The following ROR1 variants were observed in gnomAD, a reference collection of about 807,000 sequenced individuals.
The protein encoded by ROR1 is ROR family WNT receptor 1, also known as inactive tyrosine-protein kinase transmembrane receptor ROR1.
A neutral mutation model predicts 78.8 loss-of-function variants in ROR1; 19 were observed. The ratio of observed to expected loss-of-function variants is 0.24; its 90% confidence interval spans 0.17 to 0.35. ROR1 has a LOEUF of 0.35. Ranked by LOEUF, ROR1 falls within the 10% of genes least tolerant of loss-of-function variation. The pLI, the probability that ROR1 is intolerant of heterozygous loss-of-function variation, is 1.00. For missense variants in ROR1, 917 were observed against 1,177.8 expected, an observed-to-expected ratio of 0.78 and a Z score of 3.24; for synonymous variants, 386 against 433.6, an observed-to-expected ratio of 0.89 and a Z score of 1.36.
chr1:64,078,943 G>T (rs1415265653), intron 4 of ROR1, among the ~76,000 whole-genome samples: 2 of 152,230 alleles, frequency 1.3e-5, no homozygotes, highest in Non-Finnish European at 2.9e-5. Flanking sequence ...CGAGGAAGGA[G>T]TGTTCAAAGG....
chr1:63,974,084 A>G (rs1239895726), intron 1 of ROR1, among the ~76,000 whole-genome samples: 2 of 152,252 alleles, frequency 1.3e-5, no homozygotes, highest in Non-Finnish European at 2.9e-5. Flanking sequence ...TAGTGAATCA[A>G]TTTAAAGGGA....
At chr1:63,886,100 C>T (rs763527364) in intron 1 of ROR1, among the ~76,000 whole-genome samples, 4 of 152,136 alleles carry the variant, frequency 2.6e-5, no homozygotes, top group South Asian at 2.1e-4. Flanking sequence ...CCCTCGCATG[C>T]GCAGTTCACA....
chr1:64,137,065 C>T (rs1244511286), intron 4 of ROR1, among the ~76,000 whole-genome samples: 1 of 152,156 alleles, frequency 6.6e-6, no homozygotes, highest in African/African-American at 2.4e-5. Context: ...CTCATTTCCT[C>T]TTTACTCCTA....
At chr1:64,043,349 T>A (rs1646759560) in intron 2 of ROR1, among the ~76,000 whole-genome samples, 1 of 152,222 alleles carries the variant, frequency 6.6e-6, no homozygotes. Context: ...ATTAAATGCC[T>A]ATGAAGTTCA....
At chr1:63,800,484 C>T (rs1367485918) in intron 1 of ROR1, among the ~76,000 whole-genome samples, 1 of 152,066 alleles carries the variant, frequency 6.6e-6, no homozygotes, top group East Asian at 1.9e-4. Context: ...CAGAGTTGGC[C>T]CTTTCCTGGG....
At chr1:63,911,978 A>G (rs1276405856) in intron 1 of ROR1, among the ~76,000 whole-genome samples, 1 of 152,102 alleles carries the variant, frequency 6.6e-6, no homozygotes, top group Non-Finnish European at 1.5e-5. Context: ...GTGTGGGTAT[A>G]CAAAGGCGAA....
At chr1:63,952,282 A>G (rs1645946333) in intron 1 of ROR1, among the ~76,000 whole-genome samples, 1 of 151,580 alleles carries the variant, frequency 6.6e-6, no homozygotes, top group Non-Finnish European at 1.5e-5. Context: ...AAACAGGAAC[A>G]TGCTGGGCCT....
chr1:63,787,476 T>TTCCTGCCTTCCTGCCTTCCTG, intron 1 of ROR1, among the ~76,000 whole-genome samples: 2 of 132,554 alleles, frequency 1.5e-5, no homozygotes, highest in Admixed American at 7.4e-5. Flanking sequence ...CTTCCTTCCT[T>TTCCTGCCTTCCTGCCTTCCTG]CCTTCCTGCC....
At chr1:64,073,435 A>G (rs1216299013) in intron 4 of ROR1, among the ~76,000 whole-genome samples, 2 of 152,214 alleles carry the variant, frequency 1.3e-5, no homozygotes, top group African/African-American at 4.8e-5. Context: ...CGCAGCCAGT[A>G]TGTGAAAGCA....
intron 4 of ROR1, among the ~76,000 whole-genome samples, chr1:64,120,364 C>T (rs1648486567): frequency 6.6e-6 from 1 of 152,044 alleles, no homozygotes; most frequent in Admixed American, 6.5e-5. Context: ...CCACATACGT[C>T]ATCTTCAGTT....
chr1:63,824,078 T>A (rs922505164), intron 1 of ROR1, among the ~76,000 whole-genome samples: 1 of 152,212 alleles, frequency 6.6e-6, no homozygotes, highest in African/African-American at 2.4e-5. Flanking sequence ...AAAGACATAT[T>A]AATATGAATT....
chr1:63,942,793 A>T (rs554261543), intron 1 of ROR1, among the ~76,000 whole-genome samples: 6 of 152,182 alleles, frequency 3.9e-5, no homozygotes, highest in African/African-American at 1.4e-4. Context: ...AATCTGCAAA[A>T]TAAATGATAA....
At chr1:64,018,235 G>A (rs1162217680) in intron 2 of ROR1, among the ~76,000 whole-genome samples, 1 of 152,158 alleles carries the variant, frequency 6.6e-6, no homozygotes, top group Non-Finnish European at 1.5e-5. Flanking sequence ...CTTGGCTAAA[G>A]GGAGGGGAAA....
intron 1 of ROR1, among the ~76,000 whole-genome samples, chr1:63,959,823 G>A (rs1227896921): frequency 2.6e-5 from 4 of 152,050 alleles, no homozygotes. Flanking sequence ...CCCTGCCTTG[G>A]ATTCTTCATG....
intron 4 of ROR1, among the ~76,000 whole-genome samples, chr1:64,082,043 G>GACAGA (rs1282635546): frequency 6.6e-6 from 1 of 152,176 alleles, no homozygotes; most frequent in Non-Finnish European, 1.5e-5. Context: ...TACAGCTGTA[G>GACAGA]ACAGAACTGG....
chr1:63,783,817 G>T (rs1644668082), intron 1 of ROR1, among the ~76,000 whole-genome samples: 1 of 152,160 alleles, frequency 6.6e-6, no homozygotes, highest in Non-Finnish European at 1.5e-5. Context: ...TCTTTCACCG[G>T]CTGCTGAACA....
chr1:64,085,732 A>G (rs1464909154), intron 4 of ROR1, among the ~76,000 whole-genome samples: 1 of 152,148 alleles, frequency 6.6e-6, no homozygotes, highest in African/African-American at 2.4e-5. Flanking sequence ...CTGCAAAATC[A>G]TTAAGAAAGG....
intron 1 of ROR1, among the ~76,000 whole-genome samples, chr1:63,829,870 T>C (rs371805023): frequency 9.9e-5 from 15 of 152,214 alleles, no homozygotes; most frequent in Middle Eastern, 3.4e-3. Flanking sequence ...GCTTATTTCC[T>C]CGCCAAGGAA....
intron 1 of ROR1, among the ~76,000 whole-genome samples, chr1:63,945,875 G>A (rs1436476710): frequency 6.6e-6 from 1 of 152,224 alleles, no homozygotes; most frequent in Non-Finnish European, 1.5e-5. Flanking sequence ...TGCTCTAGCT[G>A]CAACATGGTG....
Sources: gnomAD v4.1 joint callset for allele counts (sites outside exome capture counted in the v4.1 genomes callset) on GRCh38, gnomAD v4.1.1 for gene constraint, MANE v1.5 for transcripts, NCBI Gene and HGNC (gene_info 2026-07-23, HGNC 2026-07-21) for gene names.